Variants in SEH1L observed in about 807,000 individuals in gnomAD.
SEH1L encodes nucleoporin SEH1.
SEH1L carries 18 observed loss-of-function variants against 49.5 expected under a neutral mutation model. That is an observed-to-expected ratio of 0.36 (90% confidence interval 0.25 to 0.54). The LOEUF (loss-of-function observed/expected upper bound fraction) is 0.54. Among genes scored for constraint, SEH1L ranks in the 20% least tolerant of loss-of-function variants. SEH1L has a pLI of 0.87. For synonymous variants in SEH1L, 169 were observed against 178.1 expected (o/e 0.95, Z 0.41); for missense variants, 404 against 528.8 (o/e 0.76, Z 2.31).
At chr18:12,952,206 A>G (rs1206021870) in intron 2 of SEH1L, among the ~76,000 whole-genome samples, 2 of 150,428 alleles carry the variant, frequency 1.3e-5, no homozygotes, top group African/African-American at 4.9e-5. Flanking sequence ...AAAAAAAAAC[A>G]AAACCTTTAC....
In SEH1L at chr18:12,987,046, G is replaced by A; in HGVS notation, c.1255G>A (p.Glu419Lys). Residue 419 changes from glutamate (E) to lysine (K), a missense_variant, in exon 9 of 9, where the codon GAA becomes AAA. Glu to Lys is a moderately conservative substitution (Grantham distance 56). Transcript: ENST00000399892. Reference protein sequence around the residue: ...SRPLNPLPENEGI With the variant: ...SRPLNPLPENKGI ...GCCTCTTAATCCCTTACCTGAGAAT[G>A]AAGGGATTTAAAACACTGATTTAAC... 6.2e-7 allele frequency: 1 copy of A among 1,603,924 alleles called. No individual in the cohort carries two copies. The highest frequency in any genetic ancestry group is 8.5e-7 in the Non-Finnish European group (1 of 1,172,958).
rs1458791093 is a variant in SEH1L, at chr18:12,984,066, A to G, written c.946A>G (p.Thr316Ala). 2.4e-5 allele frequency: 38 copies of G among 1,613,518 alleles called. No homozygotes were observed. Among genetic ancestry groups the G allele is most frequent in the Non-Finnish European group, 3.2e-5 (38 of 1,179,572 alleles). The change falls in exon 8 of 9, where the codon ACT becomes GCT. Residue 316 changes from threonine (T) to alanine (A), a missense_variant. Thr to Ala is a moderately conservative substitution (Grantham distance 58). This residue lies in a region of SEH1L where 342 missense variants were observed against 430.8 expected (regional missense o/e 0.79). Coordinates refer to ENST00000399892, the MANE Select transcript of SEH1L (RefSeq NM_001013437.2). Reference sequence around the variant, plus strand: ...TAATTATATGGACAATTGGAAGTGTACTGGTATTTTGAAAGGTAATGGGAG... The same window carrying G: ...TAATTATATGGACAATTGGAAGTGTGCTGGTATTTTGAAAGGTAATGGGAG... ...KANYMDNWKC[T>A]GILKGNGSPV...
At chr18:12,955,059 A>G (rs2030769436) in intron 2 of SEH1L, among the ~76,000 whole-genome samples, 1 of 152,064 alleles carries the variant, frequency 6.6e-6, no homozygotes. Context: ...TTAGGTGGGT[A>G]TTTTCTGTAG....
intron 6 of SEH1L, among the ~76,000 whole-genome samples, chr18:12,980,115 G>A (rs2032132887): frequency 3.3e-5 from 4 of 119,580 alleles, no homozygotes; most frequent in Admixed American, 1.6e-4. Flanking sequence ...CGGACAGGGC[G>A]GCTGTCCGGG....
chr18:12,948,667 C>G (rs2030280558), intron 1 of SEH1L: 1 of 159,352 alleles, frequency 6.3e-6, no homozygotes, highest in Non-Finnish European at 1.4e-5. Context: ...TGTTCTCTCA[C>G]CAGGGCACAT....
At chr18:12,972,629 C>G (rs1276198050) in intron 5 of SEH1L, 1 of 152,186 alleles carries the variant, frequency 6.6e-6, no homozygotes, top group East Asian at 1.9e-4. Context: ...TCTGCAATTC[C>G]AAATGTTACC....
rs1347450930 is a variant in SEH1L at position 12,948,063 on chromosome 18, GCGC to G, written c.-49_-47del. 3 of 1,363,506 alleles carry G rather than the reference GCGC, an allele frequency of 2.2e-6. No homozygotes were observed. The highest frequency in any genetic ancestry group is 3.1e-6 in the Non-Finnish European group (3 of 973,786). 84.5% of individuals were successfully genotyped at this position (1,363,506 alleles called of 1,614,324 possible). ...GAGGTCTGGCTAGGCTACGGGCCACGCGCCGCCGCCGCTGCCGCCGCCACTGTC... is the reference window on the plus strand; with the variant it reads ...GAGGTCTGGCTAGGCTACGGGCCACGCGCCGCCGCTGCCGCCGCCACTGTC... On this transcript the variant is annotated 5_prime_UTR_variant, in exon 1 of 9. Coordinates refer to ENST00000399892, the MANE Select transcript of SEH1L (RefSeq NM_001013437.2).
intron 8 of SEH1L, chr18:12,985,341 C>A: frequency 1.3e-6 from 2 of 1,551,566 alleles, no homozygotes; most frequent in Non-Finnish European, 1.7e-6. Context: ...CCTTCCCCAG[C>A]GCCGTTTGAC....
At position 12,978,897 on chromosome 18, in the gene SEH1L, G is replaced by GT; in HGVS notation, c.761+9dup. 2 of 1,612,756 alleles carry GT rather than the reference G, an allele frequency of 1.2e-6. No homozygotes were observed. Among genetic ancestry groups the GT allele is most frequent in the South Asian group, 2.2e-5 (2 of 91,004 alleles). ...TTTTACATTAAAGCCTGTGAGGTGA[G>GT]TTTTAGAAGCATTTATGAATTTGAA... is the stretch of plus-strand genomic sequence containing the variant. On this transcript the variant is annotated splice_donor_region_variant and intron_variant, in intron 6 of 8. Transcript: ENST00000399892.
chr18:12,972,053 G>C (rs1013871865), intron 5 of SEH1L: 1 of 152,242 alleles, frequency 6.6e-6, no homozygotes, highest in Non-Finnish European at 1.5e-5. Flanking sequence ...AATGGGATCA[G>C]ATGGATCTTC....
rs758890127 is a variant in SEH1L at position 12,987,090 on chromosome 18, A to C, written c.*33A>C. Reference sequence around the variant, plus strand: ...ATTTAACATTGAAAGGCCTTATTCAAGTGCTTGTAAATGCTTTCATTTCTG... The same window carrying C: ...ATTTAACATTGAAAGGCCTTATTCACGTGCTTGTAAATGCTTTCATTTCTG... On this transcript the variant is annotated 3_prime_UTR_variant, in exon 9 of 9. Transcript: ENST00000399892. The C allele has an allele frequency of 7.7e-6, 11 of 1,430,512 alleles. No individual in the cohort carries two copies. The highest frequency in any genetic ancestry group is 1.0e-5 in the Non-Finnish European group (11 of 1,048,554). 88.6% of individuals were successfully genotyped at this position (1,430,512 alleles called of 1,614,324 possible).
chr18:12,955,240 A>G (rs1316941093), intron 2 of SEH1L, among the ~76,000 whole-genome samples: 2 of 150,888 alleles, frequency 1.3e-5, no homozygotes, highest in African/African-American at 4.9e-5. Flanking sequence ...CAGAAGCATT[A>G]CAATCCTAAA....
chr18:12,949,186 G>A (rs568383010), intron 1 of SEH1L, among the ~76,000 whole-genome samples: 5 of 151,204 alleles, frequency 3.3e-5, no homozygotes, highest in African/African-American at 1.2e-4. Context: ...AATTTCTAAT[G>A]TGGGGATGCT....
intron 5 of SEH1L, chr18:12,972,572 T>C (rs1178405377): frequency 6.6e-6 from 1 of 152,172 alleles, no homozygotes; most frequent in East Asian, 1.9e-4. Context: ...AGTCAGATCT[T>C]AGGCAGGGCC....
At chr18:12,970,176 G>T (rs1337675954) in intron 4 of SEH1L, among the ~76,000 whole-genome samples, 2 of 152,130 alleles carry the variant, frequency 1.3e-5, no homozygotes, top group African/African-American at 4.8e-5. Flanking sequence ...AAGCAAGGGT[G>T]CCAGGTTTAC....
At chr18:12,980,850 G>A (rs1465695446) in intron 6 of SEH1L, among the ~76,000 whole-genome samples, 9 of 140,446 alleles carry the variant, frequency 6.4e-5, no homozygotes, top group African/African-American at 2.4e-4. Flanking sequence ...TTCCGGACGG[G>A]GCGGCTGGCC....
chr18:12,952,687 C>A (rs751865021), intron 2 of SEH1L, among the ~76,000 whole-genome samples: 26 of 152,106 alleles, frequency 1.7e-4, no homozygotes, highest in Non-Finnish European at 3.7e-4. Flanking sequence ...CCACTCCAAG[C>A]CCCAGGCAAC....
At chr18:12,972,867 G>A (rs2031760312) in intron 5 of SEH1L, 1 of 151,084 alleles carries the variant, frequency 6.6e-6, no homozygotes, top group South Asian at 2.1e-4. Flanking sequence ...ATTTCAACCT[G>A]AGCTGAGCAG....
intron 8 of SEH1L, chr18:12,986,181 A>G (rs2032450572): frequency 3.0e-6 from 3 of 985,066 alleles, no homozygotes; most frequent in Non-Finnish European, 3.6e-6. Context: ...CATGTCCTGT[A>G]AAGTTCTGAC....
Sources: allele counts gnomAD v4.1 joint callset (sites outside exome capture counted in the v4.1 genomes callset), GRCh38; gene constraint gnomAD v4.1.1; regional missense constraint gnomAD v4.1.1; transcripts MANE v1.5; gene names NCBI Gene and HGNC (gene_info 2026-07-23, HGNC 2026-07-21).